Variants in OXR1 observed in about 807,000 individuals in gnomAD.
OXR1 encodes the protein oxidation resistance 1, also known as oxidation resistance protein 1.
Under a neutral mutation model 104.6 loss-of-function variants are expected in OXR1, and 41 were observed. That is an observed-to-expected ratio of 0.39 (90% CI 0.31 to 0.51). OXR1 has a LOEUF of 0.51. OXR1 is among the 20% of genes least tolerant of loss of function. The pLI is 0.77. For missense variants in OXR1, 955 were observed against 1,031.9 expected (o/e 0.93, Z 1.02); for synonymous variants, 348 against 348.4 (o/e 1.00, Z 0.01).
intron 3 of OXR1, among the ~76,000 whole-genome samples, chr8:106,629,931 A>G (rs1422922946): frequency 1.3e-5 from 2 of 152,210 alleles, no homozygotes; most frequent in Admixed American, 6.5e-5. Flanking sequence ...ATAATAGTCA[A>G]TGTGATCTAA....
At position 106,298,592 on chromosome 8, in the gene OXR1, C is replaced by T. The variant is rs144259625; in HGVS notation, c.-139+28225C>T. On this transcript the variant is annotated intron_variant, in intron 1 of 16. Transcript: ENST00000517566. ...TGTTTTCTGCAGTATTTTATGAAAGCGAGTGGGATGGAATAGAATGCAGTG... is the reference window on the plus strand; with the variant it reads ...TGTTTTCTGCAGTATTTTATGAAAGTGAGTGGGATGGAATAGAATGCAGTG... Among the ~76,000 whole-genome samples the T allele has an allele frequency of 5.9e-5, 9 of 151,908 alleles. No homozygotes were observed. The East Asian group carries it at 7.7e-4, about 13-fold the overall frequency.
intron 3 of OXR1, among the ~76,000 whole-genome samples, chr8:106,564,270 A>T (rs1307430379): frequency 1.3e-5 from 2 of 152,172 alleles, no homozygotes; most frequent in Admixed American, 1.3e-4. Flanking sequence ...AGAATAATCA[A>T]ATAGACACAA....
At chr8:106,670,796 T>C (rs1826866069) in intron 3 of OXR1, among the ~76,000 whole-genome samples, 1 of 152,016 alleles carries the variant, frequency 6.6e-6, no homozygotes, top group African/African-American at 2.4e-5. Flanking sequence ...CATATACATA[T>C]GAATCCTGAA....
intron 2 of OXR1, among the ~76,000 whole-genome samples, chr8:106,515,469 T>G (rs992553990): frequency 5.3e-5 from 8 of 152,150 alleles, no homozygotes; most frequent in African/African-American, 1.9e-4. Context: ...AAATTCCTTA[T>G]ATCCTTCATT....
At chr8:106,511,658 T>C (rs1399435402) in intron 2 of OXR1, among the ~76,000 whole-genome samples, 1 of 152,216 alleles carries the variant, frequency 6.6e-6, no homozygotes, top group Non-Finnish European at 1.5e-5. Context: ...TTTTATACAC[T>C]GCTTTAATAG....
chr8:106,736,480 T>C (rs1834387179), intron 11 of OXR1, among the ~76,000 whole-genome samples: 1 of 152,180 alleles, frequency 6.6e-6, no homozygotes, highest in Non-Finnish European at 1.5e-5. Flanking sequence ...ATTAACTCAT[T>C]TTGTGGTCAG....
chr8:106,564,514 C>A (rs556456986), intron 3 of OXR1, among the ~76,000 whole-genome samples: 5 of 152,184 alleles, frequency 3.3e-5, no homozygotes, highest in Non-Finnish European at 5.9e-5. Context: ...CAAAAAAAAC[C>A]TGGGACCAGA....
At chr8:106,549,584 T>C (rs1815643059) in intron 3 of OXR1, among the ~76,000 whole-genome samples, 1 of 152,202 alleles carries the variant, frequency 6.6e-6, no homozygotes. Flanking sequence ...TACTATAGAC[T>C]GGATGGCTTA....
rs1007192962 is a variant in OXR1 at position 106,514,068 on chromosome 8, A to T, written c.24-4875A>T. ...TTTCCTTATTTCCTAGTCTCTGTCT[A>T]AGGCTTCAGCACCCATTTTCCTTTG... On this transcript the variant is annotated intron_variant, in intron 2 of 16. Transcript: ENST00000517566. Among the ~76,000 whole-genome samples the T allele has an allele frequency of 5.9e-5, 9 of 152,264 alleles. No individual in the cohort carries two copies. In the South Asian group the frequency reaches 8.3e-4, roughly 14 times the overall value.
intron 2 of OXR1, among the ~76,000 whole-genome samples, chr8:106,431,676 C>T (rs1049760257): frequency 6.6e-6 from 1 of 152,148 alleles, no homozygotes; most frequent in Non-Finnish European, 1.5e-5. Flanking sequence ...GCTTTAACAG[C>T]ACCTATACTA....
At chr8:106,357,640 T>A (rs996662135) in intron 1 of OXR1, among the ~76,000 whole-genome samples, 50 of 151,816 alleles carry the variant, frequency 3.3e-4, no homozygotes, top group Non-Finnish European at 1.3e-4. Flanking sequence ...TGGTTTTTTA[T>A]AGGTAAATAT....
At chr8:106,671,963 T>TATAATA (rs200351866) in intron 3 of OXR1, among the ~76,000 whole-genome samples, 10,016 of 136,286 alleles carry the variant, frequency 0.073, 522 homozygotes, top group African/African-American at 0.14. Context: ...GAACTTAAAG[T>TATAATA]ATAATAATAA....
At chr8:106,419,154 G>C (rs900857974) in intron 2 of OXR1, among the ~76,000 whole-genome samples, 1 of 152,120 alleles carries the variant, frequency 6.6e-6, no homozygotes, top group East Asian at 1.9e-4. Flanking sequence ...CAGGAACACT[G>C]TGAGCAATTG....
At chr8:106,312,436 C>T (rs1813746515) in intron 1 of OXR1, among the ~76,000 whole-genome samples, 1 of 152,162 alleles carries the variant, frequency 6.6e-6, no homozygotes, top group Admixed American at 6.5e-5. Flanking sequence ...TCATCTGTGC[C>T]CTGGCCTCAG....
chr8:106,550,990 T>A (rs1173354767), intron 3 of OXR1, among the ~76,000 whole-genome samples: 2 of 152,212 alleles, frequency 1.3e-5, no homozygotes, highest in African/African-American at 4.8e-5. Context: ...CCTGAGAGCT[T>A]ATTAATGTTC....
intron 16 of OXR1, among the ~76,000 whole-genome samples, chr8:106,748,586 G>C (rs1435889828): frequency 2.3e-5 from 1 of 44,102 alleles, no homozygotes; most frequent in African/African-American, 8.4e-5. Flanking sequence ...TTTTTTTTTT[G>C]AGATGGAGTT....
At chr8:106,655,960 G>T (rs1262799604) in intron 3 of OXR1, among the ~76,000 whole-genome samples, 1 of 152,166 alleles carries the variant, frequency 6.6e-6, no homozygotes, top group African/African-American at 2.4e-5. Context: ...TAAAAGTGCA[G>T]ATCTAATCAG....
intron 1 of OXR1, among the ~76,000 whole-genome samples, chr8:106,270,947 A>AG (rs2130454451): frequency 6.6e-6 from 1 of 152,126 alleles, no homozygotes; most frequent in African/African-American, 2.4e-5. Flanking sequence ...GTAAAAGGCT[A>AG]GGGGGCACAT....
chr8:106,664,196 A>C (rs975777725), intron 3 of OXR1, among the ~76,000 whole-genome samples: 1 of 152,204 alleles, frequency 6.6e-6, no homozygotes, highest in Non-Finnish European at 1.5e-5. Context: ...CTCACAGGAT[A>C]GCTGATAGGA....
Sources: gnomAD v4.1 joint callset for allele counts (sites outside exome capture counted in the v4.1 genomes callset) on GRCh38, gnomAD v4.1.1 for gene constraint, MANE v1.5 for transcripts, NCBI Gene and HGNC (gene_info 2026-07-23, HGNC 2026-07-21) for gene names.